The following RFLNA variants were observed in gnomAD, a reference collection of about 807,000 sequenced individuals.
RFLNA encodes refilin-A.
Under a neutral mutation model 7.8 loss-of-function variants are expected in RFLNA, and 5 were observed. That is an observed-to-expected ratio of 0.64 (90% CI 0.34 to 1.35). RFLNA has a LOEUF of 1.35. Among genes scored for constraint, RFLNA ranks in the 40% most tolerant of loss-of-function variants. The pLI is 0.04. For synonymous variants in RFLNA, 141 were observed against 131.3 expected, an observed-to-expected ratio of 1.07 and a Z score of -0.50; for missense variants, 278 against 305.5, an observed-to-expected ratio of 0.91 and a Z score of 0.67.
chr12:124,294,094 G>A (rs1479139013), upstream of RFLNA, among the ~76,000 whole-genome samples: 1 of 152,200 alleles, frequency 6.6e-6, no homozygotes, highest in Non-Finnish European at 1.5e-5. Context: ...CCAAGGCTGG[G>A]TGCGGAATGG....
At chr12:124,295,928 G>A (rs560446534) in intron 1 of RFLNA, among the ~76,000 whole-genome samples, 55 of 151,660 alleles carry the variant, frequency 3.6e-4, no homozygotes, top group African/African-American at 1.3e-3. Context: ...CGGGGTAAAG[G>A]ACGGTCCGAA....
chr12:124,295,521 C>CCCGCAG lies in RFLNA; in HGVS notation c.94_95insGCAGCC (p.Pro31_Pro32insArgSer). Reference sequence around the variant, plus strand: ...CTGGACAGCCCCGACTCCGGGCTGCCCCCCAGCCCCAGCCCCAGCCCGCCC... The same window carrying CCCGCAG: ...CTGGACAGCCCCGACTCCGGGCTGCCCCGCAGCCCCAGCCCCAGCCCCAGCCCGCCC... On this transcript the variant is annotated inframe_insertion, in exon 1 of 3. Coordinates refer to ENST00000546355, the MANE Select transcript of RFLNA (RefSeq NM_001365156.1). The CCCGCAG allele has an allele frequency of 7.9e-7, 1 of 1,269,400 alleles. No homozygotes were observed. Among genetic ancestry groups the CCCGCAG allele is most frequent in the Non-Finnish European group, 9.9e-7 (1 of 1,009,914 alleles). 78.6% of individuals were successfully genotyped at this position (1,269,400 alleles called of 1,614,324 possible).
Position 124,314,777 on chromosome 12 carries a change from C to T in RFLNA, c.*252C>T, listed in dbSNP as rs779305297. The T allele has an allele frequency of 2.6e-5, 19 of 717,082 alleles. No individual in the cohort carries two copies. The highest frequency in any genetic ancestry group is 1.6e-4 in the South Asian group (11 of 67,280). 44.4% of individuals were successfully genotyped at this position (717,082 alleles called of 1,614,324 possible). A position where few individuals can be genotyped will look rare whatever the true frequency, so the allele number is the denominator to read the frequency against. ...TTTTTTAGCACTTAAGCTGGCAAGG[C>T]GGTAGGGGCATGCACTGTTAGGTGG... On this transcript the variant is annotated 3_prime_UTR_variant, in exon 3 of 3. Transcript: ENST00000546355.
Position 124,303,792 on chromosome 12 carries a change from G to A in RFLNA, c.208-8026G>A, listed in dbSNP as rs558971321. ...AGGGCATCTCACCGGATTCTGTCTAGACCAGAACAGGAGCCCGGGCCTGTG... is the reference window on the plus strand; with the variant it reads ...AGGGCATCTCACCGGATTCTGTCTAAACCAGAACAGGAGCCCGGGCCTGTG... On this transcript the variant is annotated intron_variant, in intron 1 of 2. Coordinates refer to ENST00000546355, the MANE Select transcript of RFLNA (RefSeq NM_001365156.1). Among the ~76,000 whole-genome samples, 13 of 152,296 alleles carry A rather than the reference G, an allele frequency of 8.5e-5. No individual in the cohort carries two copies. The South Asian group carries it at 2.7e-3, about 32-fold the overall frequency.
In RFLNA at chr12:124,315,944, T is replaced by C. The variant is rs1439455663; in HGVS notation, c.*1419T>C. The C allele has an allele frequency of 2.0e-5, 3 of 152,240 alleles. No individual in the cohort carries two copies. The highest frequency in any genetic ancestry group is 7.2e-5 in the African/African-American group (3 of 41,458). 9.4% of individuals were successfully genotyped at this position (152,240 alleles called of 1,614,324 possible). On this transcript the variant is annotated 3_prime_UTR_variant, in exon 3 of 3. Transcript: ENST00000546355. The stretch of plus-strand genomic sequence containing the variant: ...ATGTATCTACACAGAGAGTGCATTT[T>C]CTCTCCAGAGATGCTGTCTGGTTAA...
chr12:124,292,478 A>G (rs2033838233), upstream of RFLNA, among the ~76,000 whole-genome samples: 1 of 152,218 alleles, frequency 6.6e-6, no homozygotes, highest in African/African-American at 2.4e-5. Flanking sequence ...ACATTTGCAG[A>G]CCATCTGGTG....
At chr12:124,296,124 C>CTTTCTTTTT (rs1206464627) in intron 1 of RFLNA, among the ~76,000 whole-genome samples, 1 of 2,334 alleles carries the variant, frequency 4.3e-4, no homozygotes, top group Non-Finnish European at 3.1e-3. Flanking sequence ...TTCTTTCTTT[C>CTTTCTTTTT]TCTCTCTCTC....
Position 124,306,358 on chromosome 12 carries a change from C to T in RFLNA, c.208-5460C>T, listed in dbSNP as rs1341682049. Among the ~76,000 whole-genome samples the T allele has an allele frequency of 6.6e-6, 1 of 152,174 alleles. No individual in the cohort carries two copies. The highest frequency in any genetic ancestry group is 1.5e-5 in the Non-Finnish European group (1 of 68,030). On this transcript the variant is annotated intron_variant, in intron 1 of 2. Transcript: ENST00000546355. The surrounding 1 kb of genome is among the most constrained non-coding windows in gnomAD (Gnocchi z 5.2). The stretch of plus-strand genomic sequence containing the variant: ...GGCTCTCACCAGCCCAAGCGAGAAG[C>T]AGCCAGTGCAGCAGGGAACAGCGGG...
intron 1 of RFLNA, among the ~76,000 whole-genome samples, chr12:124,299,810 C>CTGAGCAGGACAGA (rs113308930): frequency 0.1 from 15,364 of 152,144 alleles, 1,796 homozygotes; most frequent in African/African-American, 0.29. Flanking sequence ...AGTAACACAG[C>CTGAGCAGGACAGA]TGCTGCCTCT....
Position 124,289,798 on chromosome 12 carries a change from G to A in RFLNA, c.-37+428G>A, listed in dbSNP as rs949591936. Reference sequence around the variant, plus strand: ...CAAGGGCACTGCGGAAAAGTCCCTCGGGTGAGACAGGCCACCGGGGAACAT... The same window carrying A: ...CAAGGGCACTGCGGAAAAGTCCCTCAGGTGAGACAGGCCACCGGGGAACAT... On this transcript the variant is annotated intron_variant, in intron 1 of 2. Transcript: ENST00000324038. The surrounding 1 kb of genome is among the most constrained non-coding windows in gnomAD (Gnocchi z 5.0). 2.0e-5 allele frequency among the ~76,000 whole-genome samples: 3 copies of A among 152,272 alleles called. No individual in the cohort carries two copies. Among genetic ancestry groups the A allele is most frequent in the East Asian group, 1.9e-4 (1 of 5,188 alleles).
At chr12:124,309,726 C>T (rs2034204694) in intron 1 of RFLNA, among the ~76,000 whole-genome samples, 1 of 152,234 alleles carries the variant, frequency 6.6e-6, no homozygotes, top group African/African-American at 2.4e-5. Flanking sequence ...ACAGGCTAGT[C>T]AGGCAGGAGG....
intron 1 of RFLNA, 22 bp downstream of exon 1, chr12:124,295,658 C>G: frequency 8.1e-7 from 1 of 1,233,084 alleles, no homozygotes; most frequent in Non-Finnish European, 1.0e-6. Context: ...CTCTCTCTCC[C>G]AAACGGGGGA....
At chr12:124,296,090 T>TTCTTTCTTTC (rs2033909526) in intron 1 of RFLNA, among the ~76,000 whole-genome samples, 1 of 5,896 alleles carries the variant, frequency 1.7e-4, no homozygotes, top group Non-Finnish European at 6.2e-4. Flanking sequence ...CTTTCTTTCT[T>TTCTTTCTTTC]TCTTTCTTTC....
upstream of RFLNA, among the ~76,000 whole-genome samples, chr12:124,290,419 C>T (rs1566317072): frequency 6.6e-6 from 1 of 151,826 alleles, no homozygotes; most frequent in African/African-American, 2.4e-5. The surrounding 1 kb of genome is among the most constrained non-coding windows in gnomAD (Gnocchi z 4.0). Flanking sequence ...TATGTAGGTA[C>T]ATGTGTGTAT....
At chr12:124,307,704 C>T (rs1008461435) in intron 1 of RFLNA, among the ~76,000 whole-genome samples, 4 of 152,158 alleles carry the variant, frequency 2.6e-5, no homozygotes, top group Admixed American at 2.0e-4. Context: ...TCGGGCTTGT[C>T]GACTTTTAGC....
chr12:124,294,415 A>T (rs545401576), upstream of RFLNA, among the ~76,000 whole-genome samples: 2 of 152,294 alleles, frequency 1.3e-5, 1 homozygote, highest in Admixed American at 1.3e-4. Context: ...AAATGCAGAC[A>T]TCCTTTGCCA....
chr12:124,309,458 A>G (rs896488655), intron 1 of RFLNA, among the ~76,000 whole-genome samples: 2 of 152,194 alleles, frequency 1.3e-5, no homozygotes, highest in Non-Finnish European at 2.9e-5. Context: ...AGTGGCGCGC[A>G]GTGGGTGAGC....
At chr12:124,290,591 T>C (rs1443744708), upstream of RFLNA, among the ~76,000 whole-genome samples, 1 of 152,210 alleles carries the variant, frequency 6.6e-6, no homozygotes, top group Non-Finnish European at 1.5e-5. The surrounding 1 kb of genome is among the most constrained non-coding windows in gnomAD (Gnocchi z 4.0). Context: ...TATGTGTGCT[T>C]GTGTGTATGT....
chr12:124,303,039 T>C (rs546097185), intron 1 of RFLNA, among the ~76,000 whole-genome samples: 1 of 152,236 alleles, frequency 6.6e-6, no homozygotes, highest in Non-Finnish European at 1.5e-5. Flanking sequence ...GATGGGCCGC[T>C]AGTTGGCTCC....
Sources: gnomAD v4.1 joint callset for allele counts (sites outside exome capture counted in the v4.1 genomes callset) on GRCh38, gnomAD v4.1.1 for gene constraint, Gnocchi (gnomAD v3.1) non-coding constraint, MANE v1.5 for transcripts, NCBI Gene and HGNC (gene_info 2026-07-23, HGNC 2026-07-21) for gene names.